The following GOLM2 variants were observed in gnomAD, a reference collection of about 807,000 sequenced individuals.
The protein encoded by GOLM2 is golgi membrane protein 2.
Under a neutral mutation model 55.9 loss-of-function variants are expected in GOLM2, and 26 were observed. The ratio of observed to expected loss-of-function variants is 0.47; its 90% CI spans 0.34 to 0.65. GOLM2 has a LOEUF of 0.65. GOLM2 is among the 30% of genes least tolerant of loss of function. The pLI is 0.01. For synonymous variants in GOLM2, 165 were observed against 194.6 expected (o/e 0.85, Z 1.27); for missense variants, 486 against 531.8 (o/e 0.91, Z 0.85).
intron 1 of GOLM2, among the ~76,000 whole-genome samples, chr15:44,310,632 G>A (rs980121104): frequency 2.0e-5 from 3 of 151,718 alleles, no homozygotes; most frequent in African/African-American, 7.3e-5. Context: ...TTGATCCCAG[G>A]AATTTGAGGC....
In GOLM2 at chr15:44,413,937, A is replaced by G. The variant is rs1380054166; in HGVS notation, c.*531A>G. ...GCAATTTTCCTGCCTCAGCCTCCCAAGTAGCTGGGATTACAGGCACCCACC... is the reference window on the plus strand; with the variant it reads ...GCAATTTTCCTGCCTCAGCCTCCCAGGTAGCTGGGATTACAGGCACCCACC... On this transcript the variant is annotated 3_prime_UTR_variant, in exon 10 of 10. Coordinates refer to ENST00000299957, the MANE Select transcript of GOLM2 (RefSeq NM_138423.4). 6.6e-6 allele frequency: 1 copy of G among 152,078 alleles called. No homozygotes were observed. The highest frequency in any genetic ancestry group is 1.5e-5 in the Non-Finnish European group (1 of 68,080). 9.4% of individuals were successfully genotyped at this position (152,078 alleles called of 1,614,324 possible). A position where few individuals can be genotyped will look rare whatever the true frequency, so the allele number is the denominator to read the frequency against.
intron 9 of GOLM2, chr15:44,409,635 G>T (rs542286154): frequency 2.4e-5 from 3 of 127,320 alleles, no homozygotes; most frequent in Admixed American, 8.7e-5. Flanking sequence ...AATGCTGGGC[G>T]CTGTGCCTCA....
Position 44,289,333 on chromosome 15 carries a change from G to A in GOLM2, c.304G>A (p.Gly102Arg), listed in dbSNP as rs769669887. 2.6e-5 allele frequency: 42 copies of A among 1,612,638 alleles called. No individual in the cohort carries two copies. The highest frequency in any genetic ancestry group is 3.5e-5 in the Non-Finnish European group (41 of 1,179,538). ...SSRLQAREGLGKRCEDDKVKL... is the reference protein window; with the variant it reads ...SSRLQAREGLRKRCEDDKVKL... ...CCGGCTGCAGGCCAGAGAGGGCCTC[G>A]GGAAGAGATGCGAGGATGACAAGGT... The change falls in exon 1 of 10, where the codon GGG becomes AGG. Residue 102 changes from glycine (G) to arginine (R), a missense_variant. Physicochemically the swap from Gly to Arg is moderately radical, Grantham distance 125. Coordinates refer to ENST00000299957, the MANE Select transcript of GOLM2 (RefSeq NM_138423.4). The surrounding 1 kb of genome is among the most constrained non-coding windows in gnomAD (Gnocchi z 4.8).
At chr15:44,372,740 A>G (rs2079336614) in intron 6 of GOLM2, among the ~76,000 whole-genome samples, 2 of 152,094 alleles carry the variant, frequency 1.3e-5, no homozygotes, top group South Asian at 4.1e-4. Context: ...TCTGCCACCT[A>G]GCCACCTATT....
chr15:44,374,482 T>A (rs1479758304), intron 6 of GOLM2, among the ~76,000 whole-genome samples: 1 of 151,874 alleles, frequency 6.6e-6, no homozygotes, highest in Non-Finnish European at 1.5e-5. Context: ...GACCCCATCT[T>A]TGTTTTTGTT....
At chr15:44,399,491 T>G (rs1238174625) in intron 8 of GOLM2, among the ~76,000 whole-genome samples, 1 of 152,194 alleles carries the variant, frequency 6.6e-6, no homozygotes, top group Non-Finnish European at 1.5e-5. Flanking sequence ...TCTATGTAAT[T>G]ATAGTATTAA....
At chr15:44,303,297 A>C (rs2078812417) in intron 1 of GOLM2, among the ~76,000 whole-genome samples, 1 of 152,194 alleles carries the variant, frequency 6.6e-6, no homozygotes, top group Non-Finnish European at 1.5e-5. Flanking sequence ...TATTATCCAC[A>C]TATCTGATTG....
At chr15:44,314,591 G>C (rs1254505327) in intron 1 of GOLM2, among the ~76,000 whole-genome samples, 1 of 151,960 alleles carries the variant, frequency 6.6e-6, no homozygotes, top group Non-Finnish European at 1.5e-5. Flanking sequence ...CTGATAACTG[G>C]ATATAAATTA....
intron 6 of GOLM2, among the ~76,000 whole-genome samples, chr15:44,368,871 G>A (rs561277951): frequency 3.3e-5 from 5 of 149,282 alleles, no homozygotes; most frequent in African/African-American, 1.2e-4. Flanking sequence ...CTGCTTTTTT[G>A]TATGTCTAGT....
chr15:44,377,311 G>T (rs2079370879), intron 6 of GOLM2, among the ~76,000 whole-genome samples: 1 of 152,184 alleles, frequency 6.6e-6, no homozygotes, highest in Non-Finnish European at 1.5e-5. Flanking sequence ...AGTTGAAGTT[G>T]CAGTGAGTGA....
At chr15:44,351,682 C>A (rs1263443080) in intron 6 of GOLM2, among the ~76,000 whole-genome samples, 2 of 150,956 alleles carry the variant, frequency 1.3e-5, no homozygotes, top group African/African-American at 4.9e-5. Context: ...TTGGAAAAAC[C>A]TAAAGACTCC....
chr15:44,385,384 C>T (rs1006905349), intron 8 of GOLM2, among the ~76,000 whole-genome samples: 17 of 148,350 alleles, frequency 1.1e-4, no homozygotes, highest in South Asian at 4.5e-4. Context: ...TCCTTCCCCC[C>T]GCCACTTTCA....
At chr15:44,364,382 C>T (rs1032422416) in intron 6 of GOLM2, among the ~76,000 whole-genome samples, 1 of 95,506 alleles carries the variant, frequency 1.0e-5, no homozygotes. Flanking sequence ...AAAAATTGGA[C>T]AGGTGTGGCC....
intron 6 of GOLM2, among the ~76,000 whole-genome samples, chr15:44,365,868 C>G (rs1164093957): frequency 6.6e-6 from 1 of 152,130 alleles, no homozygotes; most frequent in African/African-American, 2.4e-5. Flanking sequence ...AGTGTAAGTT[C>G]ATCAGTTTTA....
At chr15:44,299,953 A>T (rs956993309) in intron 1 of GOLM2, among the ~76,000 whole-genome samples, 5 of 145,872 alleles carry the variant, frequency 3.4e-5, no homozygotes, top group African/African-American at 5.2e-5. Flanking sequence ...AAAAAAAAAA[A>T]GCTGGGCATG....
At chr15:44,309,940 G>C (rs1413560555) in intron 1 of GOLM2, among the ~76,000 whole-genome samples, 1 of 151,868 alleles carries the variant, frequency 6.6e-6, no homozygotes, top group African/African-American at 2.4e-5. Flanking sequence ...CTGGAGTGCA[G>C]TGGCATGATC....
chr15:44,364,276 C>T (rs1036225321), intron 6 of GOLM2, among the ~76,000 whole-genome samples: 1 of 152,112 alleles, frequency 6.6e-6, no homozygotes, highest in Non-Finnish European at 1.5e-5. Flanking sequence ...GTAATCTCAG[C>T]ACTTTGGGAG....
chr15:44,393,320 A>G (rs2079504081), intron 8 of GOLM2, among the ~76,000 whole-genome samples: 1 of 152,178 alleles, frequency 6.6e-6, no homozygotes, highest in Non-Finnish European at 1.5e-5. Flanking sequence ...GAACCTCTAT[A>G]AGCTACAAAA....
intron 6 of GOLM2, among the ~76,000 whole-genome samples, chr15:44,347,412 G>C (rs2079132882): frequency 6.6e-6 from 1 of 152,292 alleles, no homozygotes; most frequent in South Asian, 2.1e-4. Context: ...ACACTTCCAG[G>C]AGTGAGAGTG....
Sources: allele counts gnomAD v4.1 joint callset (sites outside exome capture counted in the v4.1 genomes callset), GRCh38; gene constraint gnomAD v4.1.1; non-coding constraint Gnocchi (gnomAD v3.1); transcripts MANE v1.5; gene names NCBI Gene and HGNC (gene_info 2026-07-23, HGNC 2026-07-21).